Variants in PRKG1 observed in about 807,000 individuals in gnomAD.
PRKG1 encodes cGMP-dependent protein kinase 1.
In PRKG1, 35 loss-of-function variants were observed where a neutral mutation model predicts 88.1. The observed-to-expected ratio is 0.40, with a 90% confidence interval of 0.30 to 0.53. The LOEUF is 0.53. PRKG1 is among the 20% of genes least tolerant of loss of function. The probability of loss-of-function intolerance (pLI) is 0.59; values close to 1 mark genes in which losing one functional copy is unlikely to be tolerated. For missense variants in PRKG1, 540 were observed against 839.8 expected, an observed-to-expected ratio of 0.64 and a Z score of 4.41; for synonymous variants, 303 against 292.5, an observed-to-expected ratio of 1.04 and a Z score of -0.37.
chr10:52,137,154 A>C (rs553582249), intron 8 of PRKG1, among the ~76,000 whole-genome samples: 8 of 152,262 alleles, frequency 5.3e-5, no homozygotes, highest in African/African-American at 1.9e-4. Context: ...GCGAGGTACC[A>C]TGTTCCGTAA....
chr10:51,700,500 G>A (rs1197620838), intron 3 of PRKG1, among the ~76,000 whole-genome samples: 1 of 152,172 alleles, frequency 6.6e-6, no homozygotes, highest in Non-Finnish European at 1.5e-5. Context: ...CTTCCATGAA[G>A]GGAGAAACAA....
At chr10:52,080,966 A>G (rs1846757460) in intron 7 of PRKG1, among the ~76,000 whole-genome samples, 1 of 152,164 alleles carries the variant, frequency 6.6e-6, no homozygotes, top group Non-Finnish European at 1.5e-5. Flanking sequence ...AACTCCTGAT[A>G]GAATAGGCTG....
chr10:52,288,827 A>C lies in PRKG1; in HGVS notation c.1811A>C (p.Asn604Thr), dbSNP rs886039042. The C allele has an allele frequency of 2.9e-5, 46 of 1,604,490 alleles. No individual in the cohort carries two copies. The highest frequency in any genetic ancestry group is 3.8e-5 in the Non-Finnish European group (45 of 1,176,174). ...FPKKIAKNAA[N>T]LIKKLCRDNP... Reference sequence around the variant, plus strand: ...AAGAAGATTGCCAAAAATGCTGCTAATTTAATTAAAAAACTATGCAGGTAA... The same window carrying C: ...AAGAAGATTGCCAAAAATGCTGCTACTTTAATTAAAAAACTATGCAGGTAA... The change falls in exon 15 of 18, where the codon AAT becomes ACT. Residue 604 changes from asparagine (N) to threonine (T), a missense_variant. Coordinates refer to ENST00000373980, the MANE Select transcript of PRKG1 (RefSeq NM_006258.4).
At chr10:51,808,689 T>A (rs941167632) in intron 4 of PRKG1, among the ~76,000 whole-genome samples, 1 of 152,152 alleles carries the variant, frequency 6.6e-6, no homozygotes, top group Non-Finnish European at 1.5e-5. Flanking sequence ...TTTAAAGCAG[T>A]CTGTGAAGAG....
At chr10:51,167,887 A>G (rs2132001607) in intron 2 of PRKG1, among the ~76,000 whole-genome samples, 1 of 152,266 alleles carries the variant, frequency 6.6e-6, no homozygotes, top group East Asian at 1.9e-4. Flanking sequence ...CAATTGAGAG[A>G]TGAGAATGTG....
chr10:51,007,012 C>T (rs1842948384), intron 1 of PRKG1, among the ~76,000 whole-genome samples: 2 of 147,258 alleles, frequency 1.4e-5, no homozygotes, highest in African/African-American at 5.0e-5. Flanking sequence ...GATCTCAGCT[C>T]ACTGCAACTT....
intron 3 of PRKG1, among the ~76,000 whole-genome samples, chr10:51,511,468 T>C (rs1306958409): frequency 6.6e-6 from 1 of 152,144 alleles, no homozygotes; most frequent in Non-Finnish European, 1.5e-5. Context: ...ATACAGAATA[T>C]TTAATGAAGC....
At chr10:51,854,857 A>G (rs1193503614) in intron 4 of PRKG1, among the ~76,000 whole-genome samples, 1 of 152,006 alleles carries the variant, frequency 6.6e-6, no homozygotes, top group Non-Finnish European at 1.5e-5. Flanking sequence ...AAATGTGCAA[A>G]AAATATATAT....
chr10:52,053,973 G>C (rs1268793231), intron 5 of PRKG1, among the ~76,000 whole-genome samples: 1 of 152,034 alleles, frequency 6.6e-6, no homozygotes. Flanking sequence ...GGAGAAAAAG[G>C]CTCTAATTAT....
At chr10:51,576,788 T>C (rs1837900169) in intron 3 of PRKG1, among the ~76,000 whole-genome samples, 1 of 151,928 alleles carries the variant, frequency 6.6e-6, no homozygotes, top group Non-Finnish European at 1.5e-5. Context: ...TTTTCTTTTT[T>C]TTAACTGAAT....
intron 11 of PRKG1, 27 bp downstream of exon 11, chr10:52,271,516 G>A (rs749476788): frequency 1.2e-6 from 2 of 1,602,458 alleles, no homozygotes; most frequent in Non-Finnish European, 1.7e-6. Context: ...AGGGACAGAC[G>A]TACCCAACTC....
chr10:52,287,819 GA>G (rs1842155521), intron 14 of PRKG1, among the ~76,000 whole-genome samples: 1 of 151,942 alleles, frequency 6.6e-6, no homozygotes, highest in Non-Finnish European at 1.5e-5. Flanking sequence ...TGAGCAGAGA[GA>G]AAAGGATAGG....
At chr10:52,243,947 T>C (rs1840933943) in intron 9 of PRKG1, among the ~76,000 whole-genome samples, 1 of 152,166 alleles carries the variant, frequency 6.6e-6, no homozygotes, top group East Asian at 1.9e-4. Context: ...AAAGTCTATT[T>C]CTGAAAACCA....
intron 3 of PRKG1, among the ~76,000 whole-genome samples, chr10:51,703,725 A>C (rs1209949168): frequency 6.6e-6 from 1 of 152,218 alleles, no homozygotes; most frequent in Non-Finnish European, 1.5e-5. Flanking sequence ...AACATCTTAG[A>C]AATTAAAAGT....
At chr10:51,542,796 G>T (rs1842341078) in intron 3 of PRKG1, among the ~76,000 whole-genome samples, 3 of 152,130 alleles carry the variant, frequency 2.0e-5, no homozygotes, top group Non-Finnish European at 4.4e-5. Flanking sequence ...TCTGAAGACG[G>T]CCTTCTCTTT....
chr10:51,425,340 A>C (rs1317403521), intron 2 of PRKG1, among the ~76,000 whole-genome samples: 1 of 152,210 alleles, frequency 6.6e-6, no homozygotes, highest in Non-Finnish European at 1.5e-5. Flanking sequence ...CTCGGTAATC[A>C]ATGTTTTGTC....
chr10:51,777,169 C>G (rs1331680748), intron 3 of PRKG1, among the ~76,000 whole-genome samples: 1 of 151,934 alleles, frequency 6.6e-6, no homozygotes, highest in Non-Finnish European at 1.5e-5. Flanking sequence ...GTGATAAGTA[C>G]CTGTTTGGTG....
intron 2 of PRKG1, among the ~76,000 whole-genome samples, chr10:51,421,701 G>T (rs1838421207): frequency 6.6e-6 from 1 of 152,140 alleles, no homozygotes; most frequent in African/African-American, 2.4e-5. Context: ...TCTCCTCTTG[G>T]ATGAATGATT....
At chr10:51,545,999 A>G (rs1430873898) in intron 3 of PRKG1, among the ~76,000 whole-genome samples, 1 of 151,142 alleles carries the variant, frequency 6.6e-6, no homozygotes, top group African/African-American at 2.4e-5. Flanking sequence ...GGTTATGCAT[A>G]TCGCTTAGTA....
Sources: gnomAD v4.1 joint callset for allele counts (sites outside exome capture counted in the v4.1 genomes callset) on GRCh38, gnomAD v4.1.1 for gene constraint, MANE v1.5 for transcripts, NCBI Gene and HGNC (gene_info 2026-07-23, HGNC 2026-07-21) for gene names.